Variants in KCNT2 observed in about 807,000 individuals in gnomAD.
KCNT2 encodes potassium sodium-activated channel subfamily T member 2.
In KCNT2, 67 loss-of-function variants were observed where a neutral mutation model predicts 153.8. That is an observed-to-expected ratio of 0.44 (90% confidence interval 0.36 to 0.53). KCNT2 has a LOEUF of 0.53. KCNT2 is among the 20% of genes least tolerant of loss of function. The pLI is 0.00. For synonymous variants in KCNT2, 500 were observed against 458.8 expected (o/e 1.09, Z -1.15); for missense variants, 975 against 1,354.8 (o/e 0.72, Z 4.40).
chr1:196,457,033 G>A (rs1676731613), intron 8 of KCNT2, among the ~76,000 whole-genome samples: 1 of 151,806 alleles, frequency 6.6e-6, no homozygotes, highest in Non-Finnish European at 1.5e-5. Context: ...CAATCAAAAA[G>A]TGAGCTATTT....
intron 12 of KCNT2, among the ~76,000 whole-genome samples, chr1:196,408,849 T>A (rs1194489105): frequency 6.6e-6 from 1 of 151,568 alleles, no homozygotes; most frequent in Non-Finnish European, 1.5e-5. Flanking sequence ...TTCCATTTTT[T>A]AGTGTAATAT....
rs79227329 is a variant in KCNT2 at position 196,272,164 on chromosome 1, C to T, written c.2910+8696G>A. Reference sequence around the variant, plus strand: ...TGTTCCAAGCCCAGTGCTAATTGGTCAGGCAAAATAATTGGATAAGTGACT... The same window carrying T: ...TGTTCCAAGCCCAGTGCTAATTGGTTAGGCAAAATAATTGGATAAGTGACT... On this transcript the variant is annotated intron_variant, in intron 25 of 27. Transcript: ENST00000294725. 2.7e-3 allele frequency among the ~76,000 whole-genome samples: 413 copies of T among 151,988 alleles called. 1 individual carries two copies. The highest frequency in any genetic ancestry group is 4.8e-3 in the Non-Finnish European group (324 of 67,852).
intron 13 of KCNT2, among the ~76,000 whole-genome samples, chr1:196,384,535 T>C (rs1669786575): frequency 1.3e-5 from 2 of 151,800 alleles, no homozygotes; most frequent in South Asian, 4.1e-4. Context: ...CTACTAAAAC[T>C]AAAAATAAAA....
At chr1:196,424,869 C>T (rs1400062219) in intron 11 of KCNT2, among the ~76,000 whole-genome samples, 1 of 149,982 alleles carries the variant, frequency 6.7e-6, no homozygotes, top group Non-Finnish European at 1.5e-5. Flanking sequence ...ACCCACTAGA[C>T]AGACACACAC....
rs1653487360 is a variant in KCNT2, at chr1:196,226,326, T to A, written c.*1898A>T. On this transcript the variant is annotated 3_prime_UTR_variant, in exon 28 of 28. Coordinates refer to ENST00000294725, the MANE Select transcript of KCNT2 (RefSeq NM_198503.5). The stretch of plus-strand genomic sequence containing the variant: ...CAAATATAAAACAAGTTCATAAAAT[T>A]TATTGTTTTTCTCTGTTACATATAT... The A allele has an allele frequency of 6.6e-6, 1 of 152,118 alleles. No homozygotes were observed. Among genetic ancestry groups the A allele is most frequent in the South Asian group, 2.1e-4 (1 of 4,822 alleles). The allele number at this position is 152,118 out of a possible 1,614,324, so 9.4% of individuals were successfully genotyped here.
chr1:196,247,049 C>T (rs977655300), intron 26 of KCNT2, among the ~76,000 whole-genome samples: 3 of 151,944 alleles, frequency 2.0e-5, no homozygotes, highest in Non-Finnish European at 4.4e-5. Context: ...AAACACACTT[C>T]CCTTGTAAAG....
intron 1 of KCNT2, among the ~76,000 whole-genome samples, chr1:196,505,088 A>C (rs1394219345): frequency 5.3e-5 from 8 of 152,084 alleles, no homozygotes; most frequent in South Asian, 4.1e-4. Flanking sequence ...CTTTAGGTTA[A>C]TTAGATCCCA....
At chr1:196,335,744 T>C (rs2148127381) in intron 16 of KCNT2, among the ~76,000 whole-genome samples, 1 of 152,244 alleles carries the variant, frequency 6.6e-6, no homozygotes, top group East Asian at 1.9e-4. Flanking sequence ...TTATAACCAA[T>C]AAAAACAATG....
Position 196,315,502 on chromosome 1 carries a change from C to A in KCNT2, c.2483+390G>T, listed in dbSNP as rs1176347467. Among the ~76,000 whole-genome samples, 5 of 151,830 alleles carry A rather than the reference C, an allele frequency of 3.3e-5. No individual in the cohort carries two copies. The South Asian group carries it at 8.3e-4, about 25-fold the overall frequency. ...ACATGGGTAACTTACCTGTTCACAG[C>A]TGTGCAGTCTTTCAGTCCTAGCTAT... On this transcript the variant is annotated intron_variant, in intron 21 of 27. Coordinates refer to ENST00000294725, the MANE Select transcript of KCNT2 (RefSeq NM_198503.5).
At chr1:196,466,974 C>T (rs533269117) in intron 7 of KCNT2, among the ~76,000 whole-genome samples, 2 of 152,098 alleles carry the variant, frequency 1.3e-5, no homozygotes, top group East Asian at 1.9e-4. Flanking sequence ...GCTTCCTTTT[C>T]TCCTAATATC....
intron 25 of KCNT2, among the ~76,000 whole-genome samples, chr1:196,277,538 G>T (rs1571881084): frequency 6.6e-6 from 1 of 152,126 alleles, no homozygotes; most frequent in Non-Finnish European, 1.5e-5. Flanking sequence ...TTTAATATGT[G>T]TTTATATGGA....
At chr1:196,286,187 T>C (rs1010568904) in intron 22 of KCNT2, among the ~76,000 whole-genome samples, 1 of 152,098 alleles carries the variant, frequency 6.6e-6, no homozygotes, top group African/African-American at 2.4e-5. Flanking sequence ...ATGGTCTGAA[T>C]GTTTGTGTCC....
At chr1:196,495,772 C>T (rs1289027879) in intron 1 of KCNT2, among the ~76,000 whole-genome samples, 1 of 152,140 alleles carries the variant, frequency 6.6e-6, no homozygotes, top group Non-Finnish European at 1.5e-5. Flanking sequence ...AATTTTGTTA[C>T]ATTTATTCAA....
At chr1:196,257,455 C>A in intron 26 of KCNT2, 1 of 976,006 alleles carries the variant, frequency 1.0e-6, no homozygotes, top group Non-Finnish European at 1.2e-6. Context: ...TCCTGGTTTA[C>A]CATGTTACAT....
chr1:196,561,203 A>G (rs1384815957), intron 1 of KCNT2, among the ~76,000 whole-genome samples: 2 of 151,802 alleles, frequency 1.3e-5, no homozygotes, highest in Non-Finnish European at 2.9e-5. Context: ...ATATCAGGGC[A>G]TCACATTATA....
At chr1:196,358,037 T>G (rs1228728427) in intron 14 of KCNT2, among the ~76,000 whole-genome samples, 1 of 151,764 alleles carries the variant, frequency 6.6e-6, no homozygotes, top group Non-Finnish European at 1.5e-5. Flanking sequence ...CCTAACAATT[T>G]ACAGGCTTGA....
At chr1:196,460,153 A>G (rs1392472184) in intron 8 of KCNT2, among the ~76,000 whole-genome samples, 1 of 151,854 alleles carries the variant, frequency 6.6e-6, no homozygotes, top group African/African-American at 2.4e-5. Flanking sequence ...AATTTGGTTT[A>G]TCATTTCTAT....
intron 14 of KCNT2, among the ~76,000 whole-genome samples, chr1:196,364,999 G>A (rs1482040702): frequency 6.6e-6 from 1 of 151,824 alleles, no homozygotes; most frequent in Non-Finnish European, 1.5e-5. Context: ...ATATAGCATT[G>A]GAATTCTTAA....
At chr1:196,565,406 T>A (rs1318987844) in intron 1 of KCNT2, among the ~76,000 whole-genome samples, 3 of 151,468 alleles carry the variant, frequency 2.0e-5, no homozygotes, top group Non-Finnish European at 4.4e-5. Flanking sequence ...AATAAAAAAA[T>A]AGAACTGCCG....
Sources: gnomAD v4.1 joint callset for allele counts (sites outside exome capture counted in the v4.1 genomes callset) on GRCh38, gnomAD v4.1.1 for gene constraint, MANE v1.5 for transcripts, NCBI Gene and HGNC (gene_info 2026-07-23, HGNC 2026-07-21) for gene names.